Variants in CNTN4 observed in about 807,000 individuals in gnomAD.
CNTN4 encodes contactin 4.
In CNTN4, 77 loss-of-function variants were observed where a neutral mutation model predicts 122.5. The ratio of observed to expected loss-of-function variants is 0.63; its 90% confidence interval spans 0.52 to 0.76. The LOEUF (loss-of-function observed/expected upper bound fraction) is 0.76, where lower values mean the gene tolerates loss of function less well. Among genes scored for constraint, CNTN4 ranks in the 30% least tolerant of loss-of-function variants. The probability of loss-of-function intolerance (pLI) is 0.00; values close to 1 mark genes in which losing one functional copy is unlikely to be tolerated. For synonymous variants in CNTN4, 512 were observed against 447.0 expected, an observed-to-expected ratio of 1.15 and a Z score of -1.83; for missense variants, 1,256 against 1,259.1, an observed-to-expected ratio of 1.00 and a Z score of 0.04.
intron 7 of CNTN4, among the ~76,000 whole-genome samples, chr3:2,822,964 C>T (rs779267445): frequency 3.3e-5 from 5 of 152,096 alleles, no homozygotes; most frequent in African/African-American, 1.2e-4. Flanking sequence ...AAAGCAGGCA[C>T]GGCTAAGAAA....
intron 2 of CNTN4, among the ~76,000 whole-genome samples, chr3:2,192,594 AAAAC>A (rs367571138): frequency 0.024 from 3,637 of 152,280 alleles, 133 homozygotes; most frequent in African/African-American, 0.083. Context: ...TTACAAGAAA[AAAAC>A]AAACAACCCC....
At chr3:2,823,213 G>A (rs1223201784) in intron 7 of CNTN4, among the ~76,000 whole-genome samples, 9 of 152,286 alleles carry the variant, frequency 5.9e-5, no homozygotes, top group African/African-American at 1.9e-4. Flanking sequence ...CCCAGCATAT[G>A]GTCTCCTGGT....
chr3:2,771,101 A>T (rs186206406), intron 6 of CNTN4, among the ~76,000 whole-genome samples: 30 of 152,342 alleles, frequency 2.0e-4, no homozygotes, highest in African/African-American at 6.7e-4. Context: ...CAGCACTTAA[A>T]GCAAAATGAC....
rs76046953 is a variant in CNTN4, at chr3:2,686,027, G to T, written c.56-50188G>T. 4.2e-3 allele frequency among the ~76,000 whole-genome samples: 643 copies of T among 152,264 alleles called. 1 individual carries two copies. Among genetic ancestry groups the T allele is most frequent in the Admixed American group, 6.7e-3 (103 of 15,286 alleles). On this transcript the variant is annotated intron_variant, in intron 4 of 24. Transcript: ENST00000418658. ...CAGAGTGCATGGAATGAAAATAATT[G>T]CAAGTGTGAATACACACAAAAAGAA...
intron 18 of CNTN4, 115 bp downstream of exon 18, chr3:3,037,443 T>C: frequency 7.3e-7 from 1 of 1,371,130 alleles, no homozygotes; most frequent in Non-Finnish European, 1.0e-6. Flanking sequence ...AGCTCACCCT[T>C]CCCTTTAAAT....
At chr3:2,469,660 C>T (rs1263273127) in intron 3 of CNTN4, among the ~76,000 whole-genome samples, 1 of 152,140 alleles carries the variant, frequency 6.6e-6, no homozygotes, top group East Asian at 1.9e-4. Context: ...ATTTTGCAAC[C>T]AGTTTTTCAC....
chr3:2,474,416 C>T (rs1170981845), intron 3 of CNTN4, among the ~76,000 whole-genome samples: 2 of 152,136 alleles, frequency 1.3e-5, no homozygotes, highest in Non-Finnish European at 2.9e-5. Context: ...AGAATTAATG[C>T]ATTTATAATT....
chr3:2,195,689 A>T lies in CNTN4; in HGVS notation c.-145+95050A>T, dbSNP rs1209341940. On this transcript the variant is annotated intron_variant, in intron 2 of 24. Coordinates refer to ENST00000418658, the MANE Select transcript of CNTN4 (RefSeq NM_175607.3). Reference sequence around the variant, plus strand: ...CTGATTCCAGAATATCGGTAAGCCCACCACTGACAAGTGTCACTCTGGGAA... The same window carrying T: ...CTGATTCCAGAATATCGGTAAGCCCTCCACTGACAAGTGTCACTCTGGGAA... Among the ~76,000 whole-genome samples the T allele has an allele frequency of 3.9e-5, 6 of 152,222 alleles. No individual in the cohort carries two copies. In the South Asian group the frequency reaches 1.0e-3, roughly 26 times the overall value.
intron 2 of CNTN4, among the ~76,000 whole-genome samples, chr3:2,280,114 C>T (rs1289949225): frequency 6.6e-6 from 1 of 151,848 alleles, no homozygotes; most frequent in East Asian, 1.9e-4. Context: ...ATTCAACATG[C>T]ATTTATTTTT....
At chr3:2,610,569 T>C (rs2081437568) in intron 4 of CNTN4, among the ~76,000 whole-genome samples, 1 of 152,212 alleles carries the variant, frequency 6.6e-6, no homozygotes, top group Admixed American at 6.5e-5. Context: ...TTTATAATAC[T>C]TTACACTTTG....
At chr3:2,770,687 G>C (rs972671822) in intron 6 of CNTN4, among the ~76,000 whole-genome samples, 4 of 152,242 alleles carry the variant, frequency 2.6e-5, no homozygotes, top group African/African-American at 9.6e-5. Flanking sequence ...ACCAGGCTGA[G>C]CAAAGGAATG....
intron 3 of CNTN4, among the ~76,000 whole-genome samples, chr3:2,473,272 C>T (rs1215917555): frequency 6.6e-6 from 1 of 151,110 alleles, no homozygotes; most frequent in Non-Finnish European, 1.5e-5. Flanking sequence ...GCATTACTCT[C>T]CTGCTGTACT....
At chr3:2,099,833 TG>T (rs1410075541) in intron 1 of CNTN4, 2 of 152,486 alleles carry the variant, frequency 1.3e-5, no homozygotes, top group African/African-American at 2.4e-5. Flanking sequence ...ACTCTCCTTC[TG>T]GAACGCGGGG....
At chr3:2,600,736 A>T (rs1576169899) in intron 4 of CNTN4, among the ~76,000 whole-genome samples, 1 of 152,326 alleles carries the variant, frequency 6.6e-6, no homozygotes, top group East Asian at 1.9e-4. Context: ...TGGCTGGGTC[A>T]AACGGTATTT....
At chr3:2,287,705 A>G (rs756789863) in intron 2 of CNTN4, among the ~76,000 whole-genome samples, 16,552 of 71,584 alleles carry the variant, frequency 0.23, 1,659 homozygotes, top group South Asian at 0.25. Context: ...AAGAAGAAGA[A>G]GAAGAGGAAG....
At chr3:2,342,671 A>G (rs2044253900) in intron 3 of CNTN4, among the ~76,000 whole-genome samples, 1 of 152,152 alleles carries the variant, frequency 6.6e-6, no homozygotes, top group Non-Finnish European at 1.5e-5. Flanking sequence ...CTTCACTCTC[A>G]CTATTCTTCC....
At position 2,349,194 on chromosome 3, in the gene CNTN4, C is replaced by T. The variant is rs183369296; in HGVS notation, c.-89+9961C>T. Among the ~76,000 whole-genome samples the T allele has an allele frequency of 1.1e-4, 16 of 151,962 alleles. 1 individual carries two copies. Among genetic ancestry groups the T allele is most frequent in the African/African-American group, 3.9e-4 (16 of 41,456 alleles). ...TAGAAATGAATGCAATTATGTTTGC[C>T]ATTTTAAGGGTCTCAAGAGTTAATA... On this transcript the variant is annotated intron_variant, in intron 3 of 24. Transcript: ENST00000418658.
chr3:2,386,336 G>C (rs948173679), intron 3 of CNTN4, among the ~76,000 whole-genome samples: 1 of 152,152 alleles, frequency 6.6e-6, no homozygotes, highest in Admixed American at 6.5e-5. Flanking sequence ...TAAAGTTGCA[G>C]TATTGAGACA....
At chr3:2,629,501 T>G (rs1477367291) in intron 4 of CNTN4, 3 of 434,214 alleles carry the variant, frequency 6.9e-6, no homozygotes, top group East Asian at 1.5e-4. Flanking sequence ...AGTGAAGAAT[T>G]TTACCCTGTT....
Sources: allele counts gnomAD v4.1 joint callset (sites outside exome capture counted in the v4.1 genomes callset), GRCh38; gene constraint gnomAD v4.1.1; transcripts MANE v1.5; gene names NCBI Gene and HGNC (gene_info 2026-07-23, HGNC 2026-07-21).